Variants in CHRNA7 observed in about 807,000 individuals in gnomAD.
The protein encoded by CHRNA7 is cholinergic receptor nicotinic alpha 7 subunit, also known as neuronal acetylcholine receptor subunit alpha-7.
CHRNA7 carries 17 observed loss-of-function variants against 48.0 expected under a neutral mutation model. The ratio of observed to expected loss-of-function variants is 0.35; its 90% CI spans 0.24 to 0.53. The LOEUF (loss-of-function observed/expected upper bound fraction) is 0.53. CHRNA7 is among the 20% of genes least tolerant of loss of function. CHRNA7 has a pLI of 0.92. For missense variants in CHRNA7, 155 were observed against 577.7 expected (o/e 0.27, Z 7.50); for synonymous variants, 75 against 242.3 (o/e 0.31, Z 6.41).
At chr15:32,053,072 T>A (rs2049720745) in intron 2 of CHRNA7, among the ~76,000 whole-genome samples, 1 of 152,184 alleles carries the variant, frequency 6.6e-6, no homozygotes, top group Non-Finnish European at 1.5e-5. Flanking sequence ...GGTTGAAATT[T>A]TGTCTCCTAA....
intron 2 of CHRNA7, among the ~76,000 whole-genome samples, chr15:32,078,724 A>G (rs976968856): frequency 6.6e-6 from 1 of 151,996 alleles, no homozygotes; most frequent in Non-Finnish European, 1.5e-5. Context: ...CCAGAGGTAC[A>G]AAGAGGACCT....
At chr15:32,108,111 T>C (rs2050701215) in intron 3 of CHRNA7, among the ~76,000 whole-genome samples, 1 of 151,036 alleles carries the variant, frequency 6.6e-6, no homozygotes, top group South Asian at 2.1e-4. Context: ...CCTCCCTCAA[T>C]GCTTCCATGC....
intron 2 of CHRNA7, among the ~76,000 whole-genome samples, chr15:32,058,290 A>G (rs891178781): frequency 6.6e-6 from 1 of 152,246 alleles, no homozygotes; most frequent in African/African-American, 2.4e-5. Context: ...ATCCTTTGAC[A>G]GTAACCATCA....
intron 4 of CHRNA7, among the ~76,000 whole-genome samples, chr15:32,141,720 G>T (rs1346843615): frequency 6.6e-6 from 1 of 152,138 alleles, no homozygotes; most frequent in Non-Finnish European, 1.5e-5. Flanking sequence ...TTGGTTCTCT[G>T]TTTGTCTGTT....
At chr15:32,139,581 G>GTTT (rs35818203) in intron 4 of CHRNA7, among the ~76,000 whole-genome samples, 1 of 147,622 alleles carries the variant, frequency 6.8e-6, no homozygotes, top group African/African-American at 2.5e-5. Flanking sequence ...TGGTGTCTCA[G>GTTT]TTTTTTTTTT....
At chr15:32,105,524 AGAG>A (rs201170426) in intron 3 of CHRNA7, among the ~76,000 whole-genome samples, 1,746 of 151,260 alleles carry the variant, frequency 0.012, 25 homozygotes, top group African/African-American at 0.041. Flanking sequence ...GAGGAGGAAA[AGAG>A]GAGGAGGAGG....
intron 4 of CHRNA7, among the ~76,000 whole-genome samples, chr15:32,152,937 G>T (rs2051661883): frequency 6.6e-6 from 1 of 152,138 alleles, no homozygotes; most frequent in Non-Finnish European, 1.5e-5. Context: ...CTTTATCCCA[G>T]TTGTTAACTC....
chr15:32,050,129 G>A (rs971553726), intron 2 of CHRNA7, among the ~76,000 whole-genome samples: 1 of 152,106 alleles, frequency 6.6e-6, no homozygotes, highest in Non-Finnish European at 1.5e-5. Context: ...GTGTCTTGGA[G>A]TTGCTCTTCT....
intron 2 of CHRNA7, among the ~76,000 whole-genome samples, chr15:32,092,760 A>G (rs2050403231): frequency 6.6e-6 from 1 of 152,152 alleles, no homozygotes; most frequent in Non-Finnish European, 1.5e-5. Flanking sequence ...CCTGCTCCTA[A>G]CTTCCATTCA....
intron 2 of CHRNA7, among the ~76,000 whole-genome samples, chr15:32,059,649 A>G (rs1267225508): frequency 1.3e-5 from 2 of 152,308 alleles, no homozygotes; most frequent in East Asian, 3.9e-4. Context: ...AGGTATTGGA[A>G]GAAATTCCAA....
At chr15:32,150,955 G>T (rs1004984141) in intron 4 of CHRNA7, among the ~76,000 whole-genome samples, 10 of 151,950 alleles carry the variant, frequency 6.6e-5, no homozygotes, top group African/African-American at 2.2e-4. Flanking sequence ...AAGGGGGGGG[G>T]ATGTGTCCTT....
intron 4 of CHRNA7, among the ~76,000 whole-genome samples, chr15:32,142,619 A>T (rs2051404499): frequency 6.6e-6 from 1 of 152,178 alleles, no homozygotes; most frequent in Non-Finnish European, 1.5e-5. Flanking sequence ...CTATTCAGAG[A>T]TTCAACTTCT....
chr15:32,088,705 A>C (rs1426168337), intron 2 of CHRNA7, among the ~76,000 whole-genome samples: 1 of 152,070 alleles, frequency 6.6e-6, no homozygotes, highest in African/African-American at 2.4e-5. Flanking sequence ...TAATATGTTT[A>C]TTTGTTATCT....
chr15:32,131,970 C>T (rs954821878), intron 4 of CHRNA7, among the ~76,000 whole-genome samples: 1 of 119,336 alleles, frequency 8.4e-6, no homozygotes, highest in Non-Finnish European at 1.9e-5. Flanking sequence ...CAAGTGTTCT[C>T]CACTGAAACA....
intron 2 of CHRNA7, among the ~76,000 whole-genome samples, chr15:32,062,998 T>C (rs2049904078): frequency 6.6e-6 from 1 of 152,180 alleles, no homozygotes; most frequent in Non-Finnish European, 1.5e-5. Context: ...GTGTAGGCAA[T>C]TGTAATGCAA....
At chr15:32,041,228 T>C (rs1405061477) in intron 2 of CHRNA7, among the ~76,000 whole-genome samples, 1 of 152,220 alleles carries the variant, frequency 6.6e-6, no homozygotes, top group Non-Finnish European at 1.5e-5. Context: ...TTCTCAATCA[T>C]TGTTTCAAAT....
chr15:32,146,486 C>T (rs2051491143), intron 4 of CHRNA7, among the ~76,000 whole-genome samples: 3 of 152,094 alleles, frequency 2.0e-5, no homozygotes, highest in Admixed American at 2.0e-4. Context: ...TCTTTATAGG[C>T]CATATCTGTT....
intron 2 of CHRNA7, among the ~76,000 whole-genome samples, chr15:32,079,087 G>A (rs193272537): frequency 9.9e-5 from 15 of 152,268 alleles, no homozygotes; most frequent in Admixed American, 3.3e-4. Context: ...AAAGGACTTT[G>A]ATAAAATTAA....
At chr15:32,054,124 AC>A (rs1400321246) in intron 2 of CHRNA7, among the ~76,000 whole-genome samples, 1 of 152,118 alleles carries the variant, frequency 6.6e-6, no homozygotes, top group African/African-American at 2.4e-5. Context: ...TGTTAGGCTA[AC>A]TCTTTAGTTG....
Sources: gnomAD v4.1 joint callset for allele counts (sites outside exome capture counted in the v4.1 genomes callset) on GRCh38, gnomAD v4.1.1 for gene constraint, MANE v1.5 for transcripts, NCBI Gene and HGNC (gene_info 2026-07-23, HGNC 2026-07-21) for gene names.